The following GABBR2 variants were observed in gnomAD, a reference collection of about 807,000 sequenced individuals.
GABBR2 encodes the protein gamma-aminobutyric acid type B receptor subunit 2, also known as G-protein coupled receptor 51.
Under a neutral mutation model 105.6 loss-of-function variants are expected in GABBR2, and 23 were observed. That is an observed-to-expected ratio of 0.22 (90% CI 0.16 to 0.31). The LOEUF is 0.31. GABBR2 is among the 10% of genes least tolerant of loss of function. The probability of loss-of-function intolerance (pLI) is 1.00; values close to 1 mark genes in which losing one functional copy is unlikely to be tolerated. For missense variants in GABBR2, 734 were observed against 1,245.5 expected (o/e 0.59, Z 6.18); for synonymous variants, 478 against 499.7 (o/e 0.96, Z 0.58).
At chr9:98,315,696 C>T (rs1290763174) in intron 13 of GABBR2, among the ~76,000 whole-genome samples, 4 of 152,240 alleles carry the variant, frequency 2.6e-5, no homozygotes, top group Non-Finnish European at 4.4e-5. Flanking sequence ...TTGTCGTGCA[C>T]CAAAGCAGCA....
intron 4 of GABBR2, among the ~76,000 whole-genome samples, chr9:98,482,414 A>C (rs1204587767): frequency 6.6e-6 from 1 of 152,222 alleles, no homozygotes; most frequent in Non-Finnish European, 1.5e-5. Context: ...AGCCTTTGTC[A>C]TCACCACGTC....
intron 11 of GABBR2, among the ~76,000 whole-genome samples, chr9:98,383,046 T>C (rs149514961): frequency 1.1e-4 from 17 of 152,300 alleles, no homozygotes; most frequent in African/African-American, 3.8e-4. Flanking sequence ...GTTCAAGCGA[T>C]TCTCCTGCCC....
chr9:98,319,299 C>T (rs899667135), intron 13 of GABBR2, among the ~76,000 whole-genome samples: 1 of 152,126 alleles, frequency 6.6e-6, no homozygotes. Context: ...AGCCACAGAG[C>T]GCTGGAGCTG....
At chr9:98,302,944 A>C in intron 16 of GABBR2, 1 of 394,244 alleles carries the variant, frequency 2.5e-6, no homozygotes. Context: ...GTAGGAAGCT[A>C]TGATAATCCA....
chr9:98,625,136 G>A (rs1385678217), intron 1 of GABBR2, among the ~76,000 whole-genome samples: 1 of 152,214 alleles, frequency 6.6e-6, no homozygotes, highest in African/African-American at 2.4e-5. Context: ...CAAGGCTGCA[G>A]CAGAGGGCCC....
intron 1 of GABBR2, among the ~76,000 whole-genome samples, chr9:98,588,251 A>C (rs1036016812): frequency 6.6e-6 from 1 of 152,218 alleles, no homozygotes; most frequent in African/African-American, 2.4e-5. Context: ...TATCCAACTG[A>C]ATTAAATATA....
intron 1 of GABBR2, among the ~76,000 whole-genome samples, chr9:98,594,726 T>C (rs902086820): frequency 1.3e-5 from 2 of 151,956 alleles, no homozygotes; most frequent in African/African-American, 2.4e-5. Context: ...TCCCCAGAGG[T>C]GAAAGTCAAA....
intron 1 of GABBR2, among the ~76,000 whole-genome samples, chr9:98,617,151 G>T (rs954877368): frequency 6.6e-6 from 1 of 152,146 alleles, no homozygotes; most frequent in Admixed American, 6.5e-5. Context: ...TTCTCTTTAT[G>T]ATGGATGATC....
At chr9:98,477,011 T>C (rs1276971879) in intron 5 of GABBR2, among the ~76,000 whole-genome samples, 1 of 152,210 alleles carries the variant, frequency 6.6e-6, no homozygotes, top group Non-Finnish European at 1.5e-5. Context: ...CATTGCAGTA[T>C]TCCTATGGTC....
chr9:98,467,180 C>T (rs376980381), intron 6 of GABBR2, among the ~76,000 whole-genome samples: 20 of 152,150 alleles, frequency 1.3e-4, no homozygotes, highest in African/African-American at 4.1e-4. Context: ...GCAACATACC[C>T]GGTTAAAAAC....
At chr9:98,477,956 A>G (rs1418521837) in intron 5 of GABBR2, among the ~76,000 whole-genome samples, 1 of 152,162 alleles carries the variant, frequency 6.6e-6, no homozygotes, top group African/African-American at 2.4e-5. Context: ...ATGTAAAGCG[A>G]CCTGATTGAG....
At position 98,288,120 on chromosome 9, in the gene GABBR2, A is replaced by G. The variant is rs1830228186; in HGVS notation, c.*2464T>C. On this transcript the variant is annotated 3_prime_UTR_variant, in exon 19 of 19. Coordinates refer to ENST00000259455, the MANE Select transcript of GABBR2 (RefSeq NM_005458.8). ...GTTTTTTCCTTTTATTCATAAAAAC[A>G]AATTTGCAACAATTTATTAAAAATC... 1 of 152,464 alleles carries G rather than the reference A, an allele frequency of 6.6e-6. No homozygotes were observed. The highest frequency in any genetic ancestry group is 6.5e-5 in the Admixed American group (1 of 15,290). 9.4% of individuals were successfully genotyped at this position (152,464 alleles called of 1,614,324 possible).
intron 13 of GABBR2, 133 bp from the exon 14 acceptor site, chr9:98,311,338 ATC>A: frequency 3.2e-6 from 2 of 616,894 alleles, no homozygotes; most frequent in Non-Finnish European, 5.9e-6. Flanking sequence ...TTTGGACCCC[ATC>A]TCTGTGTTCC....
intron 7 of GABBR2, among the ~76,000 whole-genome samples, chr9:98,427,422 G>A (rs1481178984): frequency 1.3e-5 from 2 of 152,192 alleles, no homozygotes; most frequent in Non-Finnish European, 2.9e-5. Flanking sequence ...AGCTGCCAAT[G>A]CACTTCAGAG....
chr9:98,410,439 G>C (rs1832566570), intron 7 of GABBR2, among the ~76,000 whole-genome samples: 1 of 151,704 alleles, frequency 6.6e-6, no homozygotes, highest in African/African-American at 2.4e-5. Flanking sequence ...CCTGCCAGCT[G>C]GTTTCCATTT....
chr9:98,386,894 C>T (rs1036176681), intron 10 of GABBR2, among the ~76,000 whole-genome samples: 22 of 152,300 alleles, frequency 1.4e-4, no homozygotes, highest in Middle Eastern at 3.4e-3. Context: ...GGCTTAGACT[C>T]GGCCACTCCA....
At chr9:98,412,080 C>T (rs1832600679) in intron 7 of GABBR2, among the ~76,000 whole-genome samples, 1 of 152,176 alleles carries the variant, frequency 6.6e-6, no homozygotes. Context: ...TAGGTTAAGC[C>T]CTTTGTTGGG....
intron 17 of GABBR2, among the ~76,000 whole-genome samples, chr9:98,294,978 A>G (rs1421586211): frequency 6.6e-6 from 1 of 152,188 alleles, no homozygotes; most frequent in Non-Finnish European, 1.5e-5. Context: ...TCAGGTTCCC[A>G]CCCGAGATTT....
intron 11 of GABBR2, among the ~76,000 whole-genome samples, chr9:98,375,521 C>A (rs923370448): frequency 1.2e-4 from 18 of 152,178 alleles, no homozygotes; most frequent in African/African-American, 4.1e-4. Context: ...CAAGAGGAGA[C>A]AATCAGACTG....
Sources: gnomAD v4.1 joint callset for allele counts (sites outside exome capture counted in the v4.1 genomes callset) on GRCh38, gnomAD v4.1.1 for gene constraint, MANE v1.5 for transcripts, NCBI Gene and HGNC (gene_info 2026-07-23, HGNC 2026-07-21) for gene names.